The following MYCBP2 variants were observed in gnomAD, a reference collection of about 807,000 sequenced individuals.
MYCBP2 encodes the protein E3 ubiquitin-protein ligase MYCBP2.
Under a neutral mutation model 525.3 loss-of-function variants are expected in MYCBP2, and 120 were observed. The observed-to-expected ratio is 0.23, with a 90% CI of 0.20 to 0.27. MYCBP2 has a LOEUF of 0.27. Ranked by LOEUF, MYCBP2 falls within the 10% of genes least tolerant of loss-of-function variation. The pLI is 1.00. For missense variants in MYCBP2, 4,149 were observed against 5,657.1 expected, an observed-to-expected ratio of 0.73 and a Z score of 8.55; for synonymous variants, 1,894 against 1,955.8, an observed-to-expected ratio of 0.97 and a Z score of 0.83.
intron 47 of MYCBP2, among the ~76,000 whole-genome samples, chr13:77,149,094 C>T (rs2056080000): frequency 6.6e-6 from 1 of 152,130 alleles, no homozygotes; most frequent in South Asian, 2.1e-4. Context: ...ACCCCATACT[C>T]CAAAGCCTTC....
In MYCBP2 at chr13:77,327,053, T is replaced by TACCACCGCC. The variant is rs1439761283; in HGVS notation, c.-287_-279dup. On this transcript the variant is annotated 5_prime_UTR_variant, in exon 1 of 83. Coordinates refer to ENST00000544440, the MANE Select transcript of MYCBP2 (RefSeq NM_015057.5). ...CCGCCACTGCCGCCGCCACCACCGC[T>TACCACCGCC]ACCACCGCCACCACCGCCGGGGCTA... The TACCACCGCC allele has an allele frequency of 9.0e-4, 395 of 436,658 alleles. No homozygotes were observed. In the East Asian group the frequency reaches 9.1e-3, roughly 10 times the overall value. 27.0% of individuals were successfully genotyped at this position (436,658 alleles called of 1,614,324 possible). A position where few individuals can be genotyped will look rare whatever the true frequency, so the allele number is the denominator to read the frequency against.
intron 62 of MYCBP2, among the ~76,000 whole-genome samples, chr13:77,086,167 T>C (rs762515401): frequency 7.2e-5 from 11 of 152,154 alleles, no homozygotes; most frequent in Non-Finnish European, 1.6e-4. Flanking sequence ...TCCCAGTTTT[T>C]ATTCTGGAAA....
rs772367892 is a variant in MYCBP2 at position 77,185,878 on chromosome 13, T to A, written c.4437A>T (p.Pro1479=). The part of the protein sequence containing the change: ...LLRVYTCEIY[P]VSATGKAVVE... ...AAAAAAAATGCATCATACCTGACAC[T>A]GGGTAAATTTCACAGGTATAGACAC... The change falls in exon 31 of 83, where the codon CCA becomes CCT. Residue 1479 remains proline (P), a synonymous_variant. Transcript: ENST00000544440. 2 of 1,578,736 alleles carry A rather than the reference T, an allele frequency of 1.3e-6. No individual in the cohort carries two copies. Among genetic ancestry groups the A allele is most frequent in the South Asian group, 2.4e-5 (2 of 84,572 alleles).
intron 2 of MYCBP2, 76 bp from the exon 3 acceptor site, chr13:77,288,452 T>C: frequency 2.4e-6 from 3 of 1,230,480 alleles, no homozygotes; most frequent in African/African-American, 1.5e-5. Context: ...AAAGTAAAGA[T>C]TAGACACACT....
chr13:77,077,442 T>C lies in MYCBP2; in HGVS notation c.11485-55A>G, dbSNP rs562242065. The C allele has an allele frequency of 1.9e-6, 3 of 1,597,088 alleles. No homozygotes were observed. In the African/African-American group the frequency reaches 4.0e-5, roughly 21 times the overall value. On this transcript the variant is annotated intron_variant, in intron 66 of 82. Coordinates refer to ENST00000544440, the MANE Select transcript of MYCBP2 (RefSeq NM_015057.5). ...GATTCAGCTGGATCACTTTTATCACTGTGCTGGACTTAGCATTGATACCAG... is the reference window on the plus strand; with the variant it reads ...GATTCAGCTGGATCACTTTTATCACCGTGCTGGACTTAGCATTGATACCAG...
At position 77,273,403 on chromosome 13, in the gene MYCBP2, G is replaced by C. The variant is rs191337984; in HGVS notation, c.945+69C>G. On this transcript the variant is annotated intron_variant, in intron 5 of 82. Transcript: ENST00000544440. ...AGTGAGAAAAAGCAGAATTCCTATTGACAGAAATTGAGACGAAACTGTAAC... is the reference window on the plus strand; with the variant it reads ...AGTGAGAAAAAGCAGAATTCCTATTCACAGAAATTGAGACGAAACTGTAAC... 276 of 1,362,060 alleles carry C rather than the reference G, an allele frequency of 2.0e-4. 3 individuals are homozygous for C. The East Asian group carries it at 5.0e-3, about 25-fold the overall frequency. The allele number at this position is 1,362,060 out of a possible 1,614,324, so 84.4% of individuals were successfully genotyped here.
At chr13:77,045,928 TAAAGAA>T (rs780487053) in intron 82 of MYCBP2, among the ~76,000 whole-genome samples, 2 of 152,160 alleles carry the variant, frequency 1.3e-5, no homozygotes, top group Non-Finnish European at 2.9e-5. Context: ...CATTTAAGTT[TAAAGAA>T]GCCATGTTTT....
chr13:77,186,802 A>ATTTTT (rs5804893), intron 30 of MYCBP2, among the ~76,000 whole-genome samples: 3 of 120,462 alleles, frequency 2.5e-5, no homozygotes, highest in South Asian at 2.7e-4. Flanking sequence ...TATAGATTCA[A>ATTTTT]TTTTTTTTTT....
rs2077856608 is a variant in MYCBP2, at chr13:77,294,122, A to ATATATATATATATATATATG, written c.378+2476_378+2477insCATATATATATATATATATA. Among the ~76,000 whole-genome samples, 3 of 66,046 alleles carry ATATATATATATATATATATG rather than the reference A, an allele frequency of 4.5e-5. No homozygotes were observed. The South Asian group carries it at 1.3e-3, about 29-fold the overall frequency. The allele number at this position is 66,046 out of a possible 152,430, so 43.3% of individuals were successfully genotyped here. A position where few individuals can be genotyped will look rare whatever the true frequency, so the allele number is the denominator to read the frequency against. Reference sequence around the variant, plus strand: ...ATAATGGCTATATATATATATATATATATATATACATATATATATACATAT... The same window carrying ATATATATATATATATATATG: ...ATAATGGCTATATATATATATATATATATATATATATATATATATGTATATATACATATATATATACATAT... On this transcript the variant is annotated intron_variant, in intron 2 of 82. Coordinates refer to ENST00000544440, the MANE Select transcript of MYCBP2 (RefSeq NM_015057.5).
At chr13:77,086,440 T>C (rs1369488764) in intron 62 of MYCBP2, among the ~76,000 whole-genome samples, 1 of 152,134 alleles carries the variant, frequency 6.6e-6, no homozygotes, top group Non-Finnish European at 1.5e-5. Flanking sequence ...TTTGTATTTA[T>C]TCTGCTTGGG....
intron 46 of MYCBP2, among the ~76,000 whole-genome samples, chr13:77,153,801 T>G (rs980268007): frequency 6.6e-6 from 1 of 152,148 alleles, no homozygotes; most frequent in East Asian, 1.9e-4. Context: ...AAATGTCCTA[T>G]GTACCCTTCA....
At chr13:77,134,263 TC>T (rs2053386835) in intron 52 of MYCBP2, among the ~76,000 whole-genome samples, 1 of 152,050 alleles carries the variant, frequency 6.6e-6, no homozygotes, top group South Asian at 2.1e-4. Context: ...ACGTCTTTAA[TC>T]CCAGTCTGTA....
At chr13:77,228,610 T>C (rs981762054) in intron 18 of MYCBP2, among the ~76,000 whole-genome samples, 2 of 151,648 alleles carry the variant, frequency 1.3e-5, no homozygotes, top group African/African-American at 2.4e-5. Flanking sequence ...ACATTGTCAA[T>C]AAAAAATTGA....
At chr13:77,078,938 A>G in intron 65 of MYCBP2, 49 bp from the exon 66 acceptor site, 1 of 1,475,834 alleles carries the variant, frequency 6.8e-7, no homozygotes, top group Middle Eastern at 2.2e-4. Context: ...CCTGCTTCAG[A>G]ACTTACAATG....
intron 57 of MYCBP2, among the ~76,000 whole-genome samples, chr13:77,095,996 A>G (rs1413506612): frequency 5.3e-5 from 8 of 152,188 alleles, no homozygotes; most frequent in Admixed American, 4.6e-4. Context: ...AGAGGAAAAG[A>G]GAAAGAAGGT....
chr13:77,063,895 T>C (rs770613998), intron 73 of MYCBP2, among the ~76,000 whole-genome samples: 6 of 152,212 alleles, frequency 3.9e-5, no homozygotes, highest in African/African-American at 7.2e-5. Context: ...AATAGCAAGA[T>C]AGCATAAATT....
Position 77,185,500 on chromosome 13 carries a change from A to C in MYCBP2, c.4445-123T>G, listed in dbSNP as rs546083769. ...CACAAGTACTAATATCTTAGAAATG[A>C]AACAACTTAGAGATTAAGTGTAGTC... On this transcript the variant is annotated intron_variant, in intron 31 of 82. Transcript: ENST00000544440. 105 of 1,073,688 alleles carry C rather than the reference A, an allele frequency of 9.8e-5. No individual in the cohort carries two copies. In the South Asian group the frequency reaches 1.1e-3, roughly 11 times the overall value. 66.5% of individuals were successfully genotyped at this position (1,073,688 alleles called of 1,614,324 possible).
At chr13:77,264,064 C>T in intron 8 of MYCBP2, 62 bp from the exon 9 acceptor site, 1 of 1,387,510 alleles carries the variant, frequency 7.2e-7, no homozygotes, top group Non-Finnish European at 1.0e-6. Context: ...AATGAATTTA[C>T]TCCTCTGTTG....
In MYCBP2 at chr13:77,118,545, C is replaced by G. The variant is rs1262880438; in HGVS notation, c.8140+2828G>C. ...CTACAACTCGTTATTCATTAACATC[C>G]AAAATGGCAAAGTAAATGGTGCTTT... On this transcript the variant is annotated intron_variant, in intron 55 of 82. Transcript: ENST00000544440. 9.2e-6 allele frequency: 7 copies of G among 757,544 alleles called. No individual in the cohort carries two copies. The Admixed American group carries it at 1.2e-4, about 13-fold the overall frequency. The allele number at this position is 757,544 out of a possible 1,614,324, so 46.9% of individuals were successfully genotyped here. A position where few individuals can be genotyped will look rare whatever the true frequency, so the allele number is the denominator to read the frequency against.
Sources: allele counts gnomAD v4.1 joint callset (sites outside exome capture counted in the v4.1 genomes callset), GRCh38; gene constraint gnomAD v4.1.1; transcripts MANE v1.5; gene names NCBI Gene and HGNC (gene_info 2026-07-23, HGNC 2026-07-21).